P3H2: variants seen among roughly 807,000 people sequenced by gnomAD.
P3H2 encodes prolyl 3-hydroxylase 2.
In P3H2, 80 loss-of-function variants were observed where a neutral mutation model predicts 87.0. The observed-to-expected ratio is 0.92, with a 90% confidence interval of 0.77 to 1.11. P3H2 has a LOEUF of 1.11. Among genes scored for constraint, P3H2 ranks in the 50% least tolerant of loss-of-function variants. The pLI is 0.00. For synonymous variants in P3H2, 367 were observed against 359.3 expected (o/e 1.02, Z -0.24); for missense variants, 1,001 against 923.9 (o/e 1.08, Z -1.08).
At chr3:190,101,723 G>A (rs1258878620) in intron 1 of P3H2, among the ~76,000 whole-genome samples, 1 of 152,126 alleles carries the variant, frequency 6.6e-6, no homozygotes. Flanking sequence ...CAAGTTATCC[G>A]GAAGATCTAG....
At position 189,994,112 on chromosome 3, in the gene P3H2, G is replaced by C; in HGVS notation, c.805C>G (p.Leu269Val). The stretch of plus-strand genomic sequence containing the variant: ...CTTTTACCTGCAATAGCTTCATACA[G>C]ACCAGCCTTATACCCTAAATACTCA... ...EYEYLGYKAG[L>V]YEAIADHYMQ... The change falls in exon 3 of 15, where the codon CTG becomes GTG. Residue 269 changes from leucine (L) to valine (V), a missense_variant. By Grantham distance (32) the Leu-to-Val change is conservative. Coordinates refer to ENST00000319332, the MANE Select transcript of P3H2 (RefSeq NM_018192.4). The C allele has an allele frequency of 6.2e-7, 1 of 1,612,662 alleles. No homozygotes were observed. Among genetic ancestry groups the C allele is most frequent in the Non-Finnish European group, 8.5e-7 (1 of 1,179,302 alleles).
At chr3:190,059,922 G>T (rs565139464) in intron 1 of P3H2, among the ~76,000 whole-genome samples, 6 of 152,090 alleles carry the variant, frequency 3.9e-5, no homozygotes, top group Non-Finnish European at 8.8e-5. Context: ...AGTGTGTTAC[G>T]CTGGGAAACT....
chr3:189,988,385 G>A (rs200939073), intron 4 of P3H2, among the ~76,000 whole-genome samples: 8 of 151,530 alleles, frequency 5.3e-5, no homozygotes, highest in African/African-American at 1.2e-4. Flanking sequence ...ACGTATGTGT[G>A]TATATATATG....
At chr3:190,070,283 T>C (rs1312699081) in intron 1 of P3H2, among the ~76,000 whole-genome samples, 2 of 152,128 alleles carry the variant, frequency 1.3e-5, no homozygotes, top group Non-Finnish European at 2.9e-5. Flanking sequence ...CTCAGTGCAT[T>C]GGAGGAATTG....
intron 1 of P3H2, among the ~76,000 whole-genome samples, chr3:190,065,371 C>T (rs189543820): frequency 6.6e-6 from 1 of 152,160 alleles, no homozygotes; most frequent in Non-Finnish European, 1.5e-5. Flanking sequence ...GTGTCAATAC[C>T]CAGGAGGATT....
intron 1 of P3H2, among the ~76,000 whole-genome samples, chr3:190,062,265 T>C (rs1452936862): frequency 3.9e-5 from 6 of 152,136 alleles, no homozygotes; most frequent in Non-Finnish European, 7.4e-5. Context: ...CCTGTATCCA[T>C]GGATCCTTAT....
At chr3:190,058,450 T>G (rs1726230660) in intron 1 of P3H2, among the ~76,000 whole-genome samples, 1 of 152,144 alleles carries the variant, frequency 6.6e-6, no homozygotes, top group African/African-American at 2.4e-5. Context: ...GGGTTAAACT[T>G]GTGAAGTTTC....
At chr3:190,101,137 T>C (rs1185641300) in intron 1 of P3H2, among the ~76,000 whole-genome samples, 1 of 151,978 alleles carries the variant, frequency 6.6e-6, no homozygotes, top group Non-Finnish European at 1.5e-5. Context: ...AACTCACCAT[T>C]CACCTGTCTC....
Position 189,973,994 on chromosome 3 carries a change from A to G in P3H2, c.1463T>C (p.Leu488Pro). 1 of 1,613,600 alleles carries G rather than the reference A, an allele frequency of 6.2e-7. No individual in the cohort carries two copies. Among genetic ancestry groups the G allele is most frequent in the Non-Finnish European group, 8.5e-7 (1 of 1,179,504 alleles). Residue 488 changes from leucine to proline, a missense_variant, in exon 10 of 15, where the codon CTT becomes CCT. By Grantham distance (98) the Leu-to-Pro change is moderately conservative. Transcript: ENST00000319332. ...ELHSVASGIM[L>P]VGDGYRGKTS... is the part of the protein sequence containing the mutation. ...TTTTCCTCTGTATCCATCACCAACA[A>G]GCATGATTCCCTGGAAGCAAATACA...
intron 11 of P3H2, 139 bp downstream of exon 11, chr3:189,972,735 G>A: frequency 1.1e-6 from 1 of 878,028 alleles, no homozygotes; most frequent in South Asian, 1.4e-5. Context: ...CAGAATAAGA[G>A]TTCATAAGCT....
intron 1 of P3H2, among the ~76,000 whole-genome samples, chr3:190,118,243 T>C (rs559451685): frequency 6.6e-6 from 1 of 151,856 alleles, no homozygotes; most frequent in Non-Finnish European, 1.5e-5. Flanking sequence ...TTTGTTTTTA[T>C]AGGACTGACC....
intron 1 of P3H2, among the ~76,000 whole-genome samples, chr3:190,072,215 C>A (rs936844882): frequency 4.6e-5 from 7 of 151,952 alleles, no homozygotes; most frequent in Admixed American, 2.6e-4. Flanking sequence ...TTAGTAGAGA[C>A]GGGGTTTGAC....
chr3:189,969,774 T>G lies in P3H2; in HGVS notation c.1893+1042A>C, dbSNP rs578030937. The G allele has an allele frequency of 3.7e-6, 6 of 1,607,264 alleles. No individual in the cohort carries two copies. The South Asian group carries it at 5.5e-5, about 15-fold the overall frequency. On this transcript the variant is annotated intron_variant, in intron 13 of 14. Coordinates refer to ENST00000319332, the MANE Select transcript of P3H2 (RefSeq NM_018192.4). ...AATGGAGTATCCACATATTTTTCAG[T>G]TCTTCCTTCTAAAATTTCTGGATCA...
At chr3:189,969,727 T>C in intron 13 of P3H2, 1 of 1,504,868 alleles carries the variant, frequency 6.6e-7, no homozygotes, top group South Asian at 1.1e-5. Context: ...TCCCCAAAAT[T>C]AAGACATCAA....
At chr3:189,974,909 C>A (rs710547) in intron 8 of P3H2, among the ~76,000 whole-genome samples, 1 of 152,014 alleles carries the variant, frequency 6.6e-6, no homozygotes, top group South Asian at 2.1e-4. Flanking sequence ...ATGTTACATG[C>A]GTACATTATT....
intron 1 of P3H2, among the ~76,000 whole-genome samples, chr3:190,083,515 T>C (rs894801488): frequency 3.9e-5 from 6 of 152,210 alleles, no homozygotes; most frequent in African/African-American, 1.4e-4. Flanking sequence ...GGCAATCTTT[T>C]AACTGGGGAG....
intron 1 of P3H2, among the ~76,000 whole-genome samples, chr3:190,098,900 T>C (rs951222965): frequency 6.6e-6 from 1 of 152,288 alleles, no homozygotes; most frequent in Non-Finnish European, 1.5e-5. Context: ...TTCCAGGCAT[T>C]TTCTGTCACA....
chr3:189,994,280 T>A lies in P3H2; in HGVS notation c.637A>T (p.Ser213Cys). ...TAATGTTTAACTCCTGCATTGTAAC[T>A]CTCCTGTAATGAAACAGACGGGAAA... ...VDREAKPHME[S>C]YNAGVKHYEA... Residue 213 changes from serine (S) to cysteine (C), a missense_variant, in exon 3 of 15, where the codon AGT becomes TGT. Ser to Cys is a moderately radical substitution (Grantham distance 112). Coordinates refer to ENST00000319332, the MANE Select transcript of P3H2 (RefSeq NM_018192.4). 1.9e-6 allele frequency: 3 copies of A among 1,606,196 alleles called. No homozygotes were observed. Among genetic ancestry groups the A allele is most frequent in the Non-Finnish European group, 2.6e-6 (3 of 1,174,096 alleles).
chr3:190,009,665 A>C (rs1264234014), intron 1 of P3H2, among the ~76,000 whole-genome samples: 3 of 152,212 alleles, frequency 2.0e-5, no homozygotes, highest in African/African-American at 7.2e-5. Context: ...ATTTTAGCCA[A>C]GTCATTAAAA....
Sources: allele counts gnomAD v4.1 joint callset (sites outside exome capture counted in the v4.1 genomes callset), GRCh38; gene constraint gnomAD v4.1.1; transcripts MANE v1.5; gene names NCBI Gene and HGNC (gene_info 2026-07-23, HGNC 2026-07-21).